The following ATP5F1C variants were observed in gnomAD, a reference collection of about 807,000 sequenced individuals.
ATP5F1C encodes the protein ATP synthase F(1) complex subunit gamma, mitochondrial.
In ATP5F1C, 22 loss-of-function variants were observed where a neutral mutation model predicts 37.4. That is an observed-to-expected ratio of 0.59 (90% CI 0.42 to 0.84). The LOEUF is 0.84. ATP5F1C is among the 40% of genes least tolerant of loss of function. The pLI, the probability that ATP5F1C is intolerant of heterozygous loss-of-function variation, is 0.00. For synonymous variants in ATP5F1C, 121 were observed against 128.0 expected (o/e 0.95, Z 0.37); for missense variants, 286 against 362.4 (o/e 0.79, Z 1.71).
Position 7,799,753 on chromosome 10 carries a change from G to A in ATP5F1C, c.429-19G>A. On this transcript the variant is annotated intron_variant, in intron 4 of 9. Coordinates refer to ENST00000356708, the MANE Select transcript of ATP5F1C (RefSeq NM_001001973.3). ...AAATCTTATTAAACTAGCTATGTGA[G>A]CTCTTGCTTTTCTTATAGGACTCAT... 6.2e-7 allele frequency: 1 copy of A among 1,610,228 alleles called. No individual in the cohort carries two copies. The highest frequency in any genetic ancestry group is 8.5e-7 in the Non-Finnish European group (1 of 1,178,730).
At chr10:7,805,530 A>G (rs754688308) in intron 8 of ATP5F1C, among the ~76,000 whole-genome samples, 74 of 152,086 alleles carry the variant, frequency 4.9e-4, no homozygotes, top group Non-Finnish European at 8.4e-4. Flanking sequence ...GGCGGATCAC[A>G]AGGTCAGGAG....
chr10:7,796,836 A>G (rs924833672), intron 2 of ATP5F1C: 24 of 390,270 alleles, frequency 6.1e-5, no homozygotes, highest in Non-Finnish European at 8.2e-5. Flanking sequence ...CGCCCACCTC[A>G]GCCTCCCAAA....
At chr10:7,796,256 G>T in intron 2 of ATP5F1C, 101 bp downstream of exon 2, 1 of 1,013,452 alleles carries the variant, frequency 9.9e-7, no homozygotes, top group Non-Finnish European at 1.4e-6. Context: ...TTGTGTATTT[G>T]ATCAAAACTG....
At chr10:7,806,895 C>A in intron 8 of ATP5F1C, 79 bp from the exon 9 acceptor site, 1 of 1,234,810 alleles carries the variant, frequency 8.1e-7, no homozygotes, top group Non-Finnish European at 1.2e-6. Context: ...CATTGGAAAG[C>A]ATATGTGATT....
At position 7,788,260 on chromosome 10, in the gene ATP5F1C, A is replaced by C. The variant is rs1836084864; in HGVS notation, c.53A>C (p.Gln18Pro). Residue 18 changes from glutamine (Q) to proline (P), a missense_variant, in exon 1 of 10, where the codon CAA becomes CCA. Transcript: ENST00000356708. ...AGLSAWTLQP[Q>P]WIQVRNMATL... ...CTGTCGGCCTGGACCTTGCAGCCGC[A>C]ATGGTATGGCAGCTTGCGGGAAGAT... 6.2e-7 allele frequency: 1 copy of C among 1,613,230 alleles called. No individual in the cohort carries two copies.
At chr10:7,798,879 A>C in intron 3 of ATP5F1C, 111 bp from the exon 4 acceptor site, 1 of 1,035,826 alleles carries the variant, frequency 9.7e-7, no homozygotes. Flanking sequence ...GGCAGTTGCC[A>C]GCTAAATTTA....
At chr10:7,806,135 C>G (rs1836475939) in intron 8 of ATP5F1C, among the ~76,000 whole-genome samples, 1 of 152,162 alleles carries the variant, frequency 6.6e-6, no homozygotes, top group Non-Finnish European at 1.5e-5. Flanking sequence ...TAGTCTAAAT[C>G]CTTATACAAA....
At chr10:7,792,938 G>A (rs1836184447) in intron 1 of ATP5F1C, among the ~76,000 whole-genome samples, 1 of 152,162 alleles carries the variant, frequency 6.6e-6, no homozygotes. Flanking sequence ...TTTACATTCT[G>A]CCAGCCATCA....
Position 7,802,778 on chromosome 10 carries a change from A to T in ATP5F1C, c.814A>T (p.Thr272Ser). The change falls in exon 8 of 10, where the codon ACA becomes TCA. Residue 272 changes from threonine to serine, a missense_variant. Coordinates refer to ENST00000356708, the MANE Select transcript of ATP5F1C (RefSeq NM_001001973.3). ...TGTAGCTGAGATGATTGACAAATTG[A>T]CATTGACATTCAACCGTACCCGCCA... The part of the protein sequence containing the change: ...KNASEMIDKL[T>S]LTFNRTRQAV... 6.2e-7 allele frequency: 1 copy of T among 1,613,826 alleles called. No homozygotes were observed. The highest frequency in any genetic ancestry group is 8.5e-7 in the Non-Finnish European group (1 of 1,179,934).
intron 4 of ATP5F1C, 63 bp downstream of exon 4, chr10:7,799,257 A>T (rs1430637865): frequency 6.7e-7 from 1 of 1,493,200 alleles, no homozygotes; most frequent in African/African-American, 1.4e-5. Flanking sequence ...CTTCTCTCAA[A>T]AGTTTTGACA....
Position 7,799,020 on chromosome 10 carries a change from C to T in ATP5F1C, c.254C>T (p.Pro85Leu), listed in dbSNP as rs146307767. 4.8e-5 allele frequency: 78 copies of T among 1,612,218 alleles called. No individual in the cohort carries two copies. In the African/African-American group the frequency reaches 8.1e-4, roughly 17 times the overall value. The change falls in exon 4 of 10, where the codon CCT (proline) becomes CTT (leucine). Residue 85 changes from proline to leucine, a missense_variant. Pro to Leu is a moderately conservative substitution (Grantham distance 98). Transcript: ENST00000356708. The part of the protein sequence containing the change: ...ALYEKADIKG[P>L]EDKKKHLLIG... Reference sequence around the variant, plus strand: ...TATGAAAAAGCTGATATCAAGGGGCCTGAAGACAAGAAGAAACACCTCCTT... The same window carrying T: ...TATGAAAAAGCTGATATCAAGGGGCTTGAAGACAAGAAGAAACACCTCCTT...
At chr10:7,801,737 C>G (rs774037717) in intron 6 of ATP5F1C, among the ~76,000 whole-genome samples, 4 of 152,136 alleles carry the variant, frequency 2.6e-5, no homozygotes, top group Non-Finnish European at 5.9e-5. Flanking sequence ...CTGCATGAAA[C>G]AAAGTTTCAA....
chr10:7,798,584 T>G (rs994205390), intron 3 of ATP5F1C, among the ~76,000 whole-genome samples: 2 of 152,148 alleles, frequency 1.3e-5, no homozygotes, highest in African/African-American at 4.8e-5. Context: ...TTTTTTTGTA[T>G]TTTTTAGTAG....
chr10:7,805,518 T>C (rs549783679), intron 8 of ATP5F1C, among the ~76,000 whole-genome samples: 20 of 151,830 alleles, frequency 1.3e-4, no homozygotes, highest in African/African-American at 4.6e-4. Context: ...GAGGCAGAGG[T>C]GGGCGGATCA....
intron 3 of ATP5F1C, among the ~76,000 whole-genome samples, chr10:7,798,631 T>C (rs1244424): frequency 0.36 from 54,589 of 152,060 alleles, 9,831 homozygotes; most frequent in South Asian, 0.46. Flanking sequence ...ATCGTGACCT[T>C]GTGATCCGCC....
At chr10:7,803,474 T>G (rs1468001814) in intron 8 of ATP5F1C, among the ~76,000 whole-genome samples, 3 of 150,176 alleles carry the variant, frequency 2.0e-5, no homozygotes, top group Non-Finnish European at 4.5e-5. Context: ...CTATGTAAAT[T>G]GTTGTTGTAT....
At chr10:7,805,747 A>G (rs1403288259) in intron 8 of ATP5F1C, among the ~76,000 whole-genome samples, 2 of 22,030 alleles carry the variant, frequency 9.1e-5, no homozygotes, top group Non-Finnish European at 1.7e-4. Flanking sequence ...ACTCCTTCTC[A>G]AAAAAAAAAA....
At chr10:7,794,141 C>T (rs1244414) in intron 1 of ATP5F1C, among the ~76,000 whole-genome samples, 20,141 of 152,102 alleles carry the variant, frequency 0.13, 1,411 homozygotes, top group South Asian at 0.2. Flanking sequence ...CAATTGTGTG[C>T]GGGCATTTTT....
chr10:7,799,093 C>T lies in ATP5F1C; in HGVS notation c.327C>T (p.Ser109=). ...GACTGTGTGGTGCTATTCATTCCTC[C>T]ATTGCTAAACAGATGAAAAGCGAGG... ...DRGLCGAIHS[S]IAKQMKSEVA... Residue 109 remains serine (S), a synonymous_variant, in exon 4 of 10, where the codon TCC becomes TCT. Transcript: ENST00000356708. 1 of 1,613,762 alleles carries T rather than the reference C, an allele frequency of 6.2e-7. No homozygotes were observed. The highest frequency in any genetic ancestry group is 8.5e-7 in the Non-Finnish European group (1 of 1,179,910).
Sources: allele counts gnomAD v4.1 joint callset (sites outside exome capture counted in the v4.1 genomes callset), GRCh38; gene constraint gnomAD v4.1.1; transcripts MANE v1.5; gene names NCBI Gene and HGNC (gene_info 2026-07-23, HGNC 2026-07-21).